OR52N4: variants seen among roughly 807,000 people sequenced by gnomAD.
OR52N4 encodes olfactory receptor family 52 subfamily N member 4.
Under a neutral mutation model 15.0 loss-of-function variants are expected in OR52N4, and 15 were observed. The observed-to-expected ratio is 1.00, with a 90% confidence interval of 0.67 to 1.54. OR52N4 has a LOEUF of 1.54. Ranked by LOEUF, OR52N4 falls within the 40% of genes most tolerant of loss-of-function variation. The pLI is 0.00. For synonymous variants in OR52N4, 143 were observed against 143.7 expected, an observed-to-expected ratio of 1.00 and a Z score of 0.03; for missense variants, 421 against 394.0, an observed-to-expected ratio of 1.07 and a Z score of -0.58.
At chr11:5,753,199 T>C (rs12364563), upstream of OR52N4, among the ~76,000 whole-genome samples, 26,131 of 151,982 alleles carry the variant, frequency 0.17, 2,351 homozygotes, top group East Asian at 0.24. Context: ...ATGAGATATC[T>C]AATAAAGAGT....
At chr11:5,737,389 C>T in the OR52N4 span, 3 of 1,614,012 alleles carry the variant, frequency 1.9e-6, no homozygotes, top group African/African-American at 1.3e-5. Context: ...ACAACATCAT[C>T]CCCCCTTCCC....
chr11:5,745,632 T>G, the OR52N4 span, among the ~76,000 whole-genome samples: 1 of 152,178 alleles, frequency 6.6e-6, no homozygotes, highest in African/African-American at 2.4e-5. Flanking sequence ...CAAAGCAATC[T>G]ACACAGTCAA....
chr11:5,734,758 G>A, the OR52N4 span, among the ~76,000 whole-genome samples: 8 of 151,986 alleles, frequency 5.3e-5, no homozygotes, highest in African/African-American at 1.9e-4. Context: ...ATACTTCCAC[G>A]CATCCAGGAT....
the OR52N4 span, among the ~76,000 whole-genome samples, chr11:5,730,902 C>G: frequency 6.6e-6 from 1 of 151,768 alleles, no homozygotes; most frequent in Non-Finnish European, 1.5e-5. Flanking sequence ...GTGTGCTTAA[C>G]TAATTCCTTC....
the OR52N4 span, chr11:5,737,574 A>G: frequency 4.6e-6 from 6 of 1,294,550 alleles, no homozygotes; most frequent in East Asian, 9.3e-5. Flanking sequence ...GAGTAAGTGA[A>G]TACCTTTGGG....
chr11:5,736,661 G>GCTGCA, the OR52N4 span: 2 of 1,613,976 alleles, frequency 1.2e-6, no homozygotes, highest in Non-Finnish European at 1.7e-6. Flanking sequence ...CTCAGCACTT[G>GCTGCA]CTGCAAACAC....
At chr11:5,751,790 G>C (rs2134211806), upstream of OR52N4, among the ~76,000 whole-genome samples, 1 of 152,176 alleles carries the variant, frequency 6.6e-6, no homozygotes, top group East Asian at 1.9e-4. Context: ...CTAAATATAA[G>C]TTGATTTTCA....
At chr11:5,730,189 A>ATTTTTT in the OR52N4 span, among the ~76,000 whole-genome samples, 1 of 110,216 alleles carries the variant, frequency 9.1e-6, no homozygotes, top group Non-Finnish European at 1.8e-5. Context: ...AGCAGTAACC[A>ATTTTTT]TTTTTTTTTT....
chr11:5,726,918 C>CT, the OR52N4 span: 3 of 156,576 alleles, frequency 1.9e-5, no homozygotes, highest in Non-Finnish European at 4.4e-5. Context: ...ACAATCCTCA[C>CT]TGACACCATC....
chr11:5,755,192 T>A lies in OR52N4; in HGVS notation c.452T>A (p.Phe151Tyr). 1 of 1,614,030 alleles carries A rather than the reference T, an allele frequency of 6.2e-7. No individual in the cohort carries two copies. The highest frequency in any genetic ancestry group is 1.1e-5 in the South Asian group (1 of 91,076). ...PVIAKVGTAT[F>Y]LRGVLLIIPF... ...ATTGCAAAGGTTGGGACTGCCACCTTCCTGAGAGGGGTATTACTCATTATT... is the reference window on the plus strand; with the variant it reads ...ATTGCAAAGGTTGGGACTGCCACCTACCTGAGAGGGGTATTACTCATTATT... Residue 151 changes from phenylalanine (F) to tyrosine (Y), a missense_variant, in exon 2 of 2, where the codon TTC (phenylalanine) becomes TAC (tyrosine). Physicochemically the swap from Phe to Tyr is conservative, Grantham distance 22. Transcript: ENST00000641350.
In OR52N4 at chr11:5,755,465, C is replaced by A; in HGVS notation, c.725C>A (p.Thr242Asn). 21 of 1,614,082 alleles carry A rather than the reference C, an allele frequency of 1.3e-5. No homozygotes were observed. Among genetic ancestry groups the A allele is most frequent in the Non-Finnish European group, 1.7e-5 (20 of 1,179,970 alleles). Residue 242 changes from threonine to asparagine, a missense_variant, in exon 2 of 2, where the codon ACC becomes AAC. Thr to Asn is a moderately conservative substitution (Grantham distance 65, BLOSUM62 0). Coordinates refer to ENST00000641350, the MANE Select transcript of OR52N4 (RefSeq NM_001005175.5). ...GATGCTCGGCAGAAGGCCTTTAATA[C>A]CTGCACTGCCCACATTTGTGCCATT... ...SADARQKAFNTCTAHICAIVF... is the reference protein window; with the variant it reads ...SADARQKAFNNCTAHICAIVF...
upstream of OR52N4, among the ~76,000 whole-genome samples, chr11:5,751,179 G>C (rs1465687287): frequency 6.8e-6 from 1 of 147,946 alleles, no homozygotes; most frequent in Non-Finnish European, 1.5e-5. Context: ...GAGGTATACT[G>C]TTTATCTAAA....
chr11:5,754,554 GACAA>G (rs929345640), intron 1 of OR52N4, 135 bp from the exon 2 acceptor site: 35 of 573,706 alleles, frequency 6.1e-5, no homozygotes, highest in Non-Finnish European at 8.2e-5. Flanking sequence ...AAACTAAACA[GACAA>G]ACAAAATTAT....
upstream of OR52N4, among the ~76,000 whole-genome samples, chr11:5,750,707 T>C (rs1413950672): frequency 6.6e-6 from 1 of 151,976 alleles, no homozygotes; most frequent in Non-Finnish European, 1.5e-5. Context: ...AAATATAAAA[T>C]ATAAATTCAT....
the OR52N4 span, among the ~76,000 whole-genome samples, chr11:5,740,917 C>T: frequency 7.9e-6 from 1 of 127,334 alleles, no homozygotes; most frequent in African/African-American, 2.8e-5. Flanking sequence ...ACTATTATAC[C>T]AAGGTGTGCA....
At chr11:5,729,819 A>G in the OR52N4 span, among the ~76,000 whole-genome samples, 3 of 152,328 alleles carry the variant, frequency 2.0e-5, no homozygotes, top group South Asian at 4.1e-4. Flanking sequence ...ACTGTCTCCA[A>G]TTATAATCCT....
At chr11:5,741,204 C>G in the OR52N4 span, among the ~76,000 whole-genome samples, 1 of 152,154 alleles carries the variant, frequency 6.6e-6, no homozygotes, top group Admixed American at 6.5e-5. Flanking sequence ...ATGATTACAG[C>G]ATGAACAAGC....
chr11:5,744,484 G>C, the OR52N4 span, among the ~76,000 whole-genome samples: 3 of 152,144 alleles, frequency 2.0e-5, no homozygotes, highest in Admixed American at 6.6e-5. Context: ...AATCCAACAG[G>C]ACATTAAAAA....
chr11:5,754,216 C>G (rs1854249315), upstream of OR52N4: 1 of 152,114 alleles, frequency 6.6e-6, no homozygotes, highest in Non-Finnish European at 1.5e-5. Context: ...ATTCTTTGAA[C>G]AGTGCCTGAG....
Sources: gnomAD v4.1 joint callset for allele counts (sites outside exome capture counted in the v4.1 genomes callset) on GRCh38, gnomAD v4.1.1 for gene constraint, MANE v1.5 for transcripts, NCBI Gene and HGNC (gene_info 2026-07-23, HGNC 2026-07-21) for gene names.